Variants in CCL28 observed in about 807,000 individuals in gnomAD.
CCL28 encodes C-C motif chemokine 28.
A neutral mutation model predicts 7.1 loss-of-function variants in CCL28; 4 were observed. The observed-to-expected ratio is 0.56, with a 90% CI of 0.28 to 1.29. CCL28 has a LOEUF of 1.29. Among genes scored for constraint, CCL28 ranks in the 50% most tolerant of loss-of-function variants. The pLI is 0.11. For synonymous variants in CCL28, 55 were observed against 57.8 expected, an observed-to-expected ratio of 0.95 and a Z score of 0.22; for missense variants, 151 against 163.4, an observed-to-expected ratio of 0.92 and a Z score of 0.41.
At chr5:43,366,225 C>A in the CCL28 span, among the ~76,000 whole-genome samples, 1 of 152,174 alleles carries the variant, frequency 6.6e-6, no homozygotes, top group South Asian at 2.1e-4. Context: ...GAATTGTGAT[C>A]CTTTGGAGGA....
At chr5:43,363,789 C>T in the CCL28 span, among the ~76,000 whole-genome samples, 48 of 152,160 alleles carry the variant, frequency 3.2e-4, no homozygotes, top group Non-Finnish European at 1.5e-5. Context: ...TACCTACATA[C>T]CTCTTTTCCA....
the CCL28 span, among the ~76,000 whole-genome samples, chr5:43,366,438 G>C: frequency 6.6e-6 from 1 of 152,208 alleles, no homozygotes; most frequent in Non-Finnish European, 1.5e-5. Context: ...CTGTAGGTCT[G>C]CTGGAGTTTG....
intron 2 of CCL28, among the ~76,000 whole-genome samples, chr5:43,383,674 A>AAAACAAAC (rs951921042): frequency 1.3e-5 from 2 of 152,168 alleles, no homozygotes; most frequent in Non-Finnish European, 2.9e-5. Context: ...GTAGGAAACA[A>AAAACAAAC]AAACAAACAA....
At chr5:43,409,358 G>A (rs1019001847) in intron 1 of CCL28, among the ~76,000 whole-genome samples, 1 of 152,150 alleles carries the variant, frequency 6.6e-6, no homozygotes, top group Non-Finnish European at 1.5e-5. Context: ...CCCAGGAGGC[G>A]GAGGTTGCAG....
At chr5:43,372,395 A>T (rs1294613587), downstream of CCL28, among the ~76,000 whole-genome samples, 1 of 152,146 alleles carries the variant, frequency 6.6e-6, no homozygotes. Context: ...TTGAGACAGA[A>T]TCTTGCTTTG....
At chr5:43,401,161 G>A (rs1741019535) in intron 1 of CCL28, among the ~76,000 whole-genome samples, 1 of 152,086 alleles carries the variant, frequency 6.6e-6, no homozygotes. Context: ...CTCCATTCTT[G>A]TGGACCTCAC....
downstream of CCL28, among the ~76,000 whole-genome samples, chr5:43,378,831 C>G (rs946128181): frequency 1.3e-5 from 2 of 151,938 alleles, no homozygotes; most frequent in African/African-American, 2.4e-5. Context: ...TGTGGTGGTT[C>G]GCACCTGTAG....
At chr5:43,409,055 C>T (rs1202660023) in intron 1 of CCL28, among the ~76,000 whole-genome samples, 3 of 151,986 alleles carry the variant, frequency 2.0e-5, no homozygotes, top group African/African-American at 4.8e-5. Context: ...AGGCAGGAGA[C>T]TTGCTTGAGG....
At position 43,381,287 on chromosome 5, in the gene CCL28, T is replaced by C. The variant is rs1198869958; in HGVS notation, c.*573A>G. On this transcript the variant is annotated 3_prime_UTR_variant, in exon 3 of 3. Transcript: ENST00000361115. ...TGTTCATTGTACCATTCTTTTAACT[T>C]CTCTGTAAGTTTGGAAAACTATAAT... 1 of 152,172 alleles carries C rather than the reference T, an allele frequency of 6.6e-6. No individual in the cohort carries two copies. Among genetic ancestry groups the C allele is most frequent in the Non-Finnish European group, 1.5e-5 (1 of 68,032 alleles). 9.4% of individuals were successfully genotyped at this position (152,172 alleles called of 1,614,324 possible).
intron 1 of CCL28, among the ~76,000 whole-genome samples, chr5:43,399,040 T>G (rs1740928898): frequency 6.6e-6 from 1 of 152,212 alleles, no homozygotes; most frequent in Admixed American, 6.5e-5. Flanking sequence ...AATATTCTGA[T>G]GTGTATCCAC....
rs1740077523 is a variant in CCL28 at position 43,380,780 on chromosome 5, C to G, written c.*1080G>C. The G allele has an allele frequency of 6.6e-6, 1 of 151,538 alleles. No homozygotes were observed. The highest frequency in any genetic ancestry group is 6.6e-5 in the Admixed American group (1 of 15,208). The allele number at this position is 151,538 out of a possible 1,614,324, so 9.4% of individuals were successfully genotyped here. A position where few individuals can be genotyped will look rare whatever the true frequency, so the allele number is the denominator to read the frequency against. On this transcript the variant is annotated 3_prime_UTR_variant, in exon 3 of 3. Coordinates refer to ENST00000361115, the MANE Select transcript of CCL28 (RefSeq NM_148672.3). ...TCAAAATTGTGCCACTGCACTCCAG[C>G]CTGGAAGACACAGCAAGACCCTCCC...
intron 1 of CCL28, among the ~76,000 whole-genome samples, chr5:43,405,785 A>G (rs886205595): frequency 6.6e-6 from 1 of 152,216 alleles, no homozygotes; most frequent in Admixed American, 6.5e-5. Context: ...CAAGAATCAA[A>G]TAGACGCAAT....
chr5:43,411,617 C>T (rs1157971793), intron 1 of CCL28, among the ~76,000 whole-genome samples: 4 of 152,076 alleles, frequency 2.6e-5, no homozygotes, highest in Non-Finnish European at 5.9e-5. Context: ...AGTGCAGTGG[C>T]AATTCACAGT....
the CCL28 span, among the ~76,000 whole-genome samples, chr5:43,369,026 G>T: frequency 7.4e-6 from 1 of 135,888 alleles, no homozygotes; most frequent in Admixed American, 8.0e-5. Flanking sequence ...GGGGGAGAGA[G>T]AAAGAGAGAA....
the CCL28 span, among the ~76,000 whole-genome samples, chr5:43,368,060 C>T: frequency 0.5 from 76,327 of 151,926 alleles, 19,700 homozygotes; most frequent in Middle Eastern, 0.62. Context: ...GAATCCTCTG[C>T]TGGATTCCAG....
chr5:43,376,022 C>T (rs547711883), downstream of CCL28, among the ~76,000 whole-genome samples: 23 of 152,176 alleles, frequency 1.5e-4, no homozygotes, highest in African/African-American at 5.3e-4. Context: ...GCAACAAGAG[C>T]GAAACTCTGT....
chr5:43,394,907 T>G (rs1003224606), intron 1 of CCL28, among the ~76,000 whole-genome samples: 1 of 151,572 alleles, frequency 6.6e-6, no homozygotes, highest in Admixed American at 6.6e-5. Flanking sequence ...ATATATTAAT[T>G]TTTATATATT....
At chr5:43,400,315 A>G (rs936547450) in intron 1 of CCL28, among the ~76,000 whole-genome samples, 2 of 152,120 alleles carry the variant, frequency 1.3e-5, no homozygotes, top group African/African-American at 4.8e-5. Flanking sequence ...AACTGTTGGC[A>G]CTACACATCA....
the CCL28 span, among the ~76,000 whole-genome samples, chr5:43,364,238 G>C: frequency 6.6e-6 from 1 of 152,008 alleles, no homozygotes; most frequent in Admixed American, 6.6e-5. Context: ...GAGCAACACA[G>C]AGCAAAGTGA....
Sources: gnomAD v4.1 joint callset for allele counts (sites outside exome capture counted in the v4.1 genomes callset) on GRCh38, gnomAD v4.1.1 for gene constraint, MANE v1.5 for transcripts, NCBI Gene and HGNC (gene_info 2026-07-23, HGNC 2026-07-21) for gene names.